The following PRDM16 variants were observed in gnomAD, a reference collection of about 807,000 sequenced individuals.
PRDM16 encodes the protein histone-lysine N-methyltransferase PRDM16.
A neutral mutation model predicts 110.6 loss-of-function variants in PRDM16; 23 were observed. That is an observed-to-expected ratio of 0.21 (90% CI 0.15 to 0.29). PRDM16 has a LOEUF of 0.29. PRDM16 is among the 10% of genes least tolerant of loss of function. The pLI is 1.00. For synonymous variants in PRDM16, 799 were observed against 781.8 expected, an observed-to-expected ratio of 1.02 and a Z score of -0.37; for missense variants, 1,615 against 1,794.3, an observed-to-expected ratio of 0.90 and a Z score of 1.81.
chr1:3,142,420 C>T (rs1643567408), intron 1 of PRDM16, among the ~76,000 whole-genome samples: 1 of 152,134 alleles, frequency 6.6e-6, no homozygotes, highest in Non-Finnish European at 1.5e-5. Flanking sequence ...TGCACATGGC[C>T]CGACAGTGTG....
At chr1:3,107,231 G>A (rs1195245240) in intron 1 of PRDM16, among the ~76,000 whole-genome samples, 1 of 152,220 alleles carries the variant, frequency 6.6e-6, no homozygotes, top group East Asian at 1.9e-4. Context: ...CCCTGCCTAT[G>A]TCCCCACCCT....
chr1:3,427,135 G>A (rs1638632235), intron 14 of PRDM16, among the ~76,000 whole-genome samples: 1 of 152,250 alleles, frequency 6.6e-6, no homozygotes, highest in Non-Finnish European at 1.5e-5. Context: ...CAGAACGATG[G>A]TGGAATTCGG....
intron 9 of PRDM16, among the ~76,000 whole-genome samples, chr1:3,414,275 G>A (rs563306727): frequency 2.0e-5 from 3 of 152,192 alleles, no homozygotes; most frequent in Non-Finnish European, 4.4e-5. Context: ...CCCTCGAGGG[G>A]ACCTTGGAGG....
rs1644182863 is a variant in PRDM16, at chr1:3,181,483, C to CGGTCTT, written c.38-4642_38-4641insGGTCTT. 3.6e-4 allele frequency among the ~76,000 whole-genome samples: 26 copies of CGGTCTT among 72,886 alleles called. 9 individuals carry two copies. Among genetic ancestry groups the CGGTCTT allele is most frequent in the Non-Finnish European group, 7.8e-4 (23 of 29,672 alleles). 47.8% of individuals were successfully genotyped at this position (72,886 alleles called of 152,430 possible). ...ACACGGTCTTACACACGCAGTCTTA[C>CGGTCTT]ACACAGCCTTACGCATGGTCTTACA... On this transcript the variant is annotated intron_variant, in intron 1 of 16. Transcript: ENST00000270722.
At position 3,405,547 on chromosome 1, in the gene PRDM16, G is replaced by A. The variant is rs766969882; in HGVS notation, c.1085G>A (p.Gly362Asp). 3.1e-6 allele frequency: 5 copies of A among 1,607,480 alleles called. No homozygotes were observed. In the East Asian group the frequency reaches 9.0e-5, roughly 29 times the overall value. ...LQRHIRSQHV[G>D]ARAHACPDCG... The stretch of plus-strand genomic sequence containing the variant: ...CGGCACATCCGCTCGCAGCACGTGG[G>A]CGCTCGGGCCCACGCCTGCCCCGAC... The change falls in exon 8 of 17, where the codon GGC becomes GAC. Residue 362 changes from glycine to aspartate, a missense_variant. By Grantham distance (94) the Gly-to-Asp change is moderately conservative. Around this residue, in one of 5 missense-constraint regions of PRDM16, gnomAD observed 82 missense variants for 144.4 expected, o/e 0.57. Transcript: ENST00000270722.
chr1:3,123,211 CA>C (rs1410792738), intron 1 of PRDM16, among the ~76,000 whole-genome samples: 1 of 152,228 alleles, frequency 6.6e-6, no homozygotes, highest in Non-Finnish European at 1.5e-5. Flanking sequence ...GCACAGGGGA[CA>C]GGGGCTGCAG....
At position 3,412,675 on chromosome 1, in the gene PRDM16, C is replaced by T. The variant is rs771384054; in HGVS notation, c.2478C>T (p.His826=). ...GCGGGCGGGAGCCCCGCAAGAACCA[C>T]GTCTATGGGGAACGCAAGCTGGGCG... ...NGGGREPRKN[H]VYGERKLGAG... Residue 826 remains histidine, a synonymous_variant, in exon 9 of 17, where the codon CAC becomes CAT. Transcript: ENST00000270722. The T allele has an allele frequency of 6.6e-6, 10 of 1,512,280 alleles. No individual in the cohort carries two copies. Among genetic ancestry groups the T allele is most frequent in the South Asian group, 2.5e-5 (2 of 78,786 alleles). The allele number at this position is 1,512,280 out of a possible 1,614,324, so 93.7% of individuals were successfully genotyped here.
intron 1 of PRDM16, among the ~76,000 whole-genome samples, chr1:3,179,744 C>T (rs527977610): frequency 6.6e-6 from 1 of 152,362 alleles, no homozygotes; most frequent in East Asian, 1.9e-4. Context: ...GCCCTGCTCA[C>T]CAGGCACTAG....
chr1:3,399,906 G>A (rs994961827), intron 5 of PRDM16, among the ~76,000 whole-genome samples: 2 of 152,142 alleles, frequency 1.3e-5, no homozygotes, highest in South Asian at 2.1e-4. Context: ...CTTCCAGCCC[G>A]GGACGTTGGA....
chr1:3,203,084 TC>T, intron 2 of PRDM16, among the ~76,000 whole-genome samples: 1 of 152,084 alleles, frequency 6.6e-6, no homozygotes, highest in Non-Finnish European at 1.5e-5. Flanking sequence ...TCATGTGGGG[TC>T]ACCAAGATAA....
At chr1:3,376,230 C>G (rs1642988176) in intron 3 of PRDM16, among the ~76,000 whole-genome samples, 1 of 152,286 alleles carries the variant, frequency 6.6e-6, no homozygotes, top group Middle Eastern at 3.4e-3. Context: ...TGGTCTGTGG[C>G]TTTTACTAGA....
chr1:3,431,780 T>C (rs1179372293), intron 15 of PRDM16, among the ~76,000 whole-genome samples, 186 bp from the exon 16 acceptor site: 1 of 152,248 alleles, frequency 6.6e-6, no homozygotes. Flanking sequence ...TGTCCGTCAC[T>C]CTCCTGCATC....
At chr1:3,077,517 C>G (rs1001469933) in intron 1 of PRDM16, among the ~76,000 whole-genome samples, 11 of 152,246 alleles carry the variant, frequency 7.2e-5, no homozygotes, top group Admixed American at 7.2e-4. Flanking sequence ...GCAGGGGTGT[C>G]TGCACAGAAG....
intron 3 of PRDM16, among the ~76,000 whole-genome samples, chr1:3,374,114 G>GGCCA (rs1353716188): frequency 6.6e-6 from 1 of 152,216 alleles, no homozygotes; most frequent in African/African-American, 2.4e-5. Flanking sequence ...CTCTCAGGAG[G>GGCCA]GCCAGGGCTG....
chr1:3,410,154 G>A (rs1643660398), intron 8 of PRDM16, among the ~76,000 whole-genome samples: 1 of 151,874 alleles, frequency 6.6e-6, no homozygotes, highest in Non-Finnish European at 1.5e-5. Flanking sequence ...GTGTGGTTGT[G>A]TGTGCTGTGT....
intron 1 of PRDM16, among the ~76,000 whole-genome samples, chr1:3,094,167 G>A (rs1401886470): frequency 6.6e-6 from 1 of 152,180 alleles, no homozygotes; most frequent in Non-Finnish European, 1.5e-5. Context: ...GCAGAGCTGG[G>A]GAGGAAAAGG....
At chr1:3,122,906 G>A (rs1393628186) in intron 1 of PRDM16, among the ~76,000 whole-genome samples, 15 of 152,232 alleles carry the variant, frequency 9.9e-5, no homozygotes, top group Admixed American at 7.8e-4. Context: ...GGACTGGAGC[G>A]CGGGAAGGGC....
chr1:3,273,912 A>G, intron 3 of PRDM16, among the ~76,000 whole-genome samples: 1 of 140,842 alleles, frequency 7.1e-6, no homozygotes, highest in East Asian at 2.2e-4. Context: ...CACGTGTGGC[A>G]TGTAAGTGTT....
At chr1:3,386,368 A>T (rs763538977) in intron 4 of PRDM16, among the ~76,000 whole-genome samples, 1 of 152,236 alleles carries the variant, frequency 6.6e-6, no homozygotes, top group African/African-American at 2.4e-5. Flanking sequence ...ACAATTTTGC[A>T]TTAAGAAATG....
Sources: gnomAD v4.1 joint callset for allele counts (sites outside exome capture counted in the v4.1 genomes callset) on GRCh38, gnomAD v4.1.1 for gene constraint, gnomAD v4.1.1 regional missense constraint, MANE v1.5 for transcripts, NCBI Gene and HGNC (gene_info 2026-07-23, HGNC 2026-07-21) for gene names.